RAPGEF5: variants seen among roughly 807,000 people sequenced by gnomAD.
RAPGEF5 encodes Rap guanine nucleotide exchange factor 5.
A neutral mutation model predicts 125.2 loss-of-function variants in RAPGEF5; 65 were observed. The ratio of observed to expected loss-of-function variants is 0.52; its 90% CI spans 0.43 to 0.64. RAPGEF5 has a LOEUF of 0.64. Ranked by LOEUF, RAPGEF5 falls within the 30% of genes least tolerant of loss-of-function variation. The pLI, the probability that RAPGEF5 is intolerant of heterozygous loss-of-function variation, is 0.00. For synonymous variants in RAPGEF5, 391 were observed against 385.9 expected, an observed-to-expected ratio of 1.01 and a Z score of -0.16; for missense variants, 958 against 1,048.1, an observed-to-expected ratio of 0.91 and a Z score of 1.19.
chr7:22,161,195 C>T (rs564925918), intron 13 of RAPGEF5, among the ~76,000 whole-genome samples: 30 of 151,992 alleles, frequency 2.0e-4, no homozygotes, highest in African/African-American at 7.0e-4. Context: ...GGCGACAGAG[C>T]GAGACTCCGT....
chr7:22,136,707 C>A (rs1333757979), intron 22 of RAPGEF5, among the ~76,000 whole-genome samples: 1 of 152,088 alleles, frequency 6.6e-6, no homozygotes, highest in Non-Finnish European at 1.5e-5. Flanking sequence ...CTGAAAAAAT[C>A]ACACTAAAAG....
At chr7:22,128,088 C>T (rs1782804367) in intron 24 of RAPGEF5, among the ~76,000 whole-genome samples, 2 of 152,142 alleles carry the variant, frequency 1.3e-5, no homozygotes, top group African/African-American at 4.8e-5. Context: ...ATTTGCGTAG[C>T]TTGTGCAAGG....
chr7:22,288,213 C>T (rs1365869521), intron 6 of RAPGEF5, among the ~76,000 whole-genome samples: 1 of 147,178 alleles, frequency 6.8e-6, no homozygotes, highest in Non-Finnish European at 1.5e-5. Flanking sequence ...AGTCTCCCTA[C>T]TGCCCTCCGC....
chr7:22,178,813 C>A (rs879526947), intron 11 of RAPGEF5, among the ~76,000 whole-genome samples: 3 of 152,122 alleles, frequency 2.0e-5, no homozygotes, highest in Non-Finnish European at 4.4e-5. Context: ...TTAAGTCAAT[C>A]TCCATCTCCC....
At chr7:22,186,698 A>C (rs1259997798) in intron 11 of RAPGEF5, among the ~76,000 whole-genome samples, 1 of 152,244 alleles carries the variant, frequency 6.6e-6, no homozygotes, top group African/African-American at 2.4e-5. Flanking sequence ...AGGTATTCAG[A>C]AACTCAATAA....
At chr7:22,211,061 C>T (rs1562763440) in intron 9 of RAPGEF5, among the ~76,000 whole-genome samples, 1 of 152,188 alleles carries the variant, frequency 6.6e-6, no homozygotes, top group Admixed American at 6.5e-5. Context: ...GTACTGTACA[C>T]TTGCCCACAG....
chr7:22,271,293 G>T (rs1336961828), intron 6 of RAPGEF5, among the ~76,000 whole-genome samples: 5 of 152,076 alleles, frequency 3.3e-5, no homozygotes, highest in Non-Finnish European at 7.4e-5. Context: ...TTGCATCCAG[G>T]GTGAGAAATC....
intron 1 of RAPGEF5, chr7:22,355,938 C>G: frequency 1.0e-6 from 1 of 982,210 alleles, no homozygotes; most frequent in Non-Finnish European, 1.2e-6. Context: ...TCATTAAAGA[C>G]CACTTAATAA....
chr7:22,333,596 C>A (rs537436812), intron 1 of RAPGEF5, among the ~76,000 whole-genome samples: 1 of 152,030 alleles, frequency 6.6e-6, no homozygotes, highest in Non-Finnish European at 1.5e-5. Context: ...AAGAGGGGGA[C>A]CTCTAAAAAC....
chr7:22,149,551 G>T (rs1388361728), intron 18 of RAPGEF5, among the ~76,000 whole-genome samples: 1 of 152,214 alleles, frequency 6.6e-6, no homozygotes, highest in African/African-American at 2.4e-5. Context: ...CACCCACTTA[G>T]GCATAGGTGT....
In RAPGEF5 at chr7:22,154,593, C is replaced by A. The variant is rs201437488; in HGVS notation, c.1648G>T (p.Val550Leu). 5 of 1,612,566 alleles carry A rather than the reference C, an allele frequency of 3.1e-6. No individual in the cohort carries two copies. In the South Asian group the frequency reaches 3.3e-5, roughly 11 times the overall value. ...VTETEEIFCH[V>L]YITEHSYVSV... is the part of the protein sequence containing the mutation. ...ACATAGGAGTGCTCTGTTATATACA[C>A]GTGGCAGAAAACTGCACAAGTGAAA... is the stretch of plus-strand genomic sequence containing the variant. The change falls in exon 17 of 26, where the codon GTG (valine) becomes TTG (leucine). Residue 550 changes from valine to leucine, a missense_variant. Transcript: ENST00000665637.
chr7:22,305,011 T>G (rs1361035874), intron 5 of RAPGEF5, among the ~76,000 whole-genome samples: 1 of 152,178 alleles, frequency 6.6e-6, no homozygotes, highest in Non-Finnish European at 1.5e-5. Flanking sequence ...TGTTTATAAT[T>G]TTATAGGAAG....
intron 1 of RAPGEF5, among the ~76,000 whole-genome samples, chr7:22,326,273 G>A (rs891185201): frequency 2.0e-5 from 3 of 152,152 alleles, no homozygotes; most frequent in Non-Finnish European, 4.4e-5. Flanking sequence ...TGGACCTCCG[G>A]GGGTCACCAG....
At chr7:22,305,663 C>T (rs377464810) in intron 5 of RAPGEF5, among the ~76,000 whole-genome samples, 13 of 152,266 alleles carry the variant, frequency 8.5e-5, no homozygotes, top group South Asian at 6.2e-4. Flanking sequence ...TTCTTTCTAA[C>T]GTTTTTTTGG....
intron 6 of RAPGEF5, among the ~76,000 whole-genome samples, chr7:22,281,115 T>C (rs928771547): frequency 6.6e-6 from 1 of 152,234 alleles, no homozygotes; most frequent in East Asian, 1.9e-4. Context: ...TCTTGCTCTC[T>C]AAACACAAGT....
chr7:22,153,147 T>A (rs1208252960), intron 17 of RAPGEF5, among the ~76,000 whole-genome samples: 1 of 152,188 alleles, frequency 6.6e-6, no homozygotes, highest in Non-Finnish European at 1.5e-5. Context: ...TTCATTCAGC[T>A]CTTCCTTCTC....
chr7:22,136,886 C>T lies in RAPGEF5; in HGVS notation c.2328+47G>A, dbSNP rs779273040. ...CTATAATGTAGAAAGAAACTAGACCCTAGCAATTATTTTGAAGAATAAGTC... is the reference window on the plus strand; with the variant it reads ...CTATAATGTAGAAAGAAACTAGACCTTAGCAATTATTTTGAAGAATAAGTC... On this transcript the variant is annotated intron_variant, in intron 22 of 25. Coordinates refer to ENST00000665637, the MANE Select transcript of RAPGEF5 (RefSeq NM_012294.5). 3.1e-5 allele frequency: 45 copies of T among 1,457,974 alleles called. No individual in the cohort carries two copies. In the African/African-American group the frequency reaches 5.5e-4, roughly 18 times the overall value. 90.3% of individuals were successfully genotyped at this position (1,457,974 alleles called of 1,614,324 possible).
At chr7:22,356,351 G>T in intron 1 of RAPGEF5, 1 of 738,492 alleles carries the variant, frequency 1.4e-6, no homozygotes, top group Non-Finnish European at 1.7e-6. Context: ...TCTGCCCCTC[G>T]GCGGTGGAGA....
At chr7:22,213,537 G>A in intron 9 of RAPGEF5, among the ~76,000 whole-genome samples, 1 of 152,040 alleles carries the variant, frequency 6.6e-6, no homozygotes, top group East Asian at 1.9e-4. Context: ...CTACTTTTTT[G>A]TTACTCTGTG....
Sources: allele counts gnomAD v4.1 joint callset (sites outside exome capture counted in the v4.1 genomes callset), GRCh38; gene constraint gnomAD v4.1.1; transcripts MANE v1.5; gene names NCBI Gene and HGNC (gene_info 2026-07-23, HGNC 2026-07-21).